ASH1L: variants seen among roughly 807,000 people sequenced by gnomAD.
The protein encoded by ASH1L is ASH1 like histone lysine methyltransferase.
Under a neutral mutation model 269.0 loss-of-function variants are expected in ASH1L, and 23 were observed. The observed-to-expected ratio is 0.09, with a 90% CI of 0.06 to 0.12. The LOEUF (loss-of-function observed/expected upper bound fraction) is 0.12. Among genes scored for constraint, ASH1L ranks in the 10% least tolerant of loss-of-function variants. The pLI, the probability that ASH1L is intolerant of heterozygous loss-of-function variation, is 1.00. For missense variants in ASH1L, 2,912 were observed against 3,567.8 expected (o/e 0.82, Z 4.68); for synonymous variants, 1,187 against 1,253.5 (o/e 0.95, Z 1.12).
intron 2 of ASH1L, among the ~76,000 whole-genome samples, chr1:155,509,103 T>G (rs1388626721): frequency 6.6e-6 from 1 of 152,132 alleles, no homozygotes; most frequent in Non-Finnish European, 1.5e-5. Context: ...GTTTATAAAT[T>G]AATAGGCAAA....
chr1:155,387,737 C>A (rs1657555728), intron 7 of ASH1L, among the ~76,000 whole-genome samples: 1 of 152,124 alleles, frequency 6.6e-6, no homozygotes, highest in South Asian at 2.1e-4. Context: ...GCAATATGGC[C>A]ATTTTAACGG....
intron 3 of ASH1L, among the ~76,000 whole-genome samples, chr1:155,469,601 C>A (rs537963265): frequency 3.9e-5 from 6 of 152,186 alleles, no homozygotes; most frequent in Non-Finnish European, 5.9e-5. Flanking sequence ...TCAGGTTTTA[C>A]CTCTCCTTTG....
rs544383215 is a variant in ASH1L at position 155,500,946 on chromosome 1, C to T, written c.421-18497G>A. ...TTGCACCACTGCACTCCAGCCTGGGCGACAGAATGAGACTCTGTCTCTAAA... is the reference window on the plus strand; with the variant it reads ...TTGCACCACTGCACTCCAGCCTGGGTGACAGAATGAGACTCTGTCTCTAAA... On this transcript the variant is annotated intron_variant, in intron 2 of 27. Coordinates refer to ENST00000392403, the MANE Select transcript of ASH1L (RefSeq NM_018489.3). 4.0e-5 allele frequency among the ~76,000 whole-genome samples: 6 copies of T among 151,232 alleles called. No individual in the cohort carries two copies. In the South Asian group the frequency reaches 6.3e-4, roughly 16 times the overall value.
At chr1:155,554,714 CA>C (rs573837526) in intron 1 of ASH1L, among the ~76,000 whole-genome samples, 3 of 150,112 alleles carry the variant, frequency 2.0e-5, no homozygotes, top group Non-Finnish European at 4.5e-5. Flanking sequence ...AAAACAAAAA[CA>C]AAAAAAAACA....
chr1:155,372,038 C>A (rs537609039), intron 10 of ASH1L, among the ~76,000 whole-genome samples: 4 of 152,210 alleles, frequency 2.6e-5, no homozygotes, highest in Admixed American at 2.6e-4. Context: ...GAGTCTCACT[C>A]CATTGCCCAG....
intron 7 of ASH1L, among the ~76,000 whole-genome samples, chr1:155,387,302 T>C (rs537337439): frequency 6.6e-6 from 1 of 152,166 alleles, no homozygotes; most frequent in Admixed American, 6.6e-5. Context: ...CCATATTTTG[T>C]TTTTGTATAT....
intron 5 of ASH1L, among the ~76,000 whole-genome samples, chr1:155,437,583 T>G (rs186608121): frequency 4.3e-4 from 65 of 152,282 alleles, no homozygotes; most frequent in Non-Finnish European, 8.7e-4. Context: ...TGTCACATGA[T>G]CCAGCAATTC....
chr1:155,406,838 T>G (rs1659333379), intron 6 of ASH1L, among the ~76,000 whole-genome samples: 1 of 152,148 alleles, frequency 6.6e-6, no homozygotes, highest in Admixed American at 6.6e-5. Context: ...ATATCTACAA[T>G]TTATATCACG....
intron 20 of ASH1L, among the ~76,000 whole-genome samples, chr1:155,347,430 CAAG>C (rs1653454708): frequency 6.6e-6 from 1 of 150,824 alleles, no homozygotes; most frequent in Admixed American, 6.6e-5. Flanking sequence ...AACAAAAAAA[CAAG>C]AAGAGAGGAG....
intron 3 of ASH1L, among the ~76,000 whole-genome samples, chr1:155,465,578 TATC>T (rs1218324760): frequency 2.6e-5 from 4 of 152,202 alleles, no homozygotes; most frequent in Non-Finnish European, 5.9e-5. Context: ...TCTAAGATAT[TATC>T]GATTTTAAAA....
At position 155,422,211 on chromosome 1, in the gene ASH1L, C is replaced by T. The variant is rs1246613527; in HGVS notation, c.5829-6288G>A. On this transcript the variant is annotated intron_variant, in intron 5 of 27. Transcript: ENST00000392403. ...GGAGTGCAGTGGCACGATCTCGGCT[C>T]GCTGCAACCCTACCTCCTGGGTTCA... 4.6e-5 allele frequency among the ~76,000 whole-genome samples: 7 copies of T among 152,070 alleles called. No homozygotes were observed. In the East Asian group the frequency reaches 9.6e-4, roughly 21 times the overall value.
chr1:155,464,447 T>C (rs1664526311), intron 3 of ASH1L, among the ~76,000 whole-genome samples: 1 of 151,996 alleles, frequency 6.6e-6, no homozygotes, highest in South Asian at 2.1e-4. Context: ...ACTCAGATGA[T>C]GACAACTTCA....
At chr1:155,420,064 T>C (rs1440288016) in intron 5 of ASH1L, among the ~76,000 whole-genome samples, 1 of 152,104 alleles carries the variant, frequency 6.6e-6, no homozygotes, top group African/African-American at 2.4e-5. Context: ...ACTCCTATAA[T>C]CCCAACACTG....
intron 7 of ASH1L, among the ~76,000 whole-genome samples, chr1:155,381,490 C>T (rs931501185): frequency 1.4e-5 from 2 of 146,116 alleles, no homozygotes; most frequent in Non-Finnish European, 3.0e-5. Context: ...GCAGAGGTTG[C>T]AGTGAGCCAA....
Position 155,521,551 on chromosome 1 carries a change from T to G in ASH1L, c.-32A>C, listed in dbSNP as rs773207071. The G allele has an allele frequency of 7.0e-6, 11 of 1,563,354 alleles. 1 individual carries two copies. In the South Asian group the frequency reaches 1.3e-4, roughly 19 times the overall value. ...CGTATGTTATTGCCAAGGAATCTTA[T>G]GAAAATTTTACAGAACTGTGTTCCA... On this transcript the variant is annotated 5_prime_UTR_variant, in exon 2 of 28. Coordinates refer to ENST00000392403, the MANE Select transcript of ASH1L (RefSeq NM_018489.3).
chr1:155,462,353 T>C (rs1664369729), intron 3 of ASH1L, among the ~76,000 whole-genome samples: 1 of 152,236 alleles, frequency 6.6e-6, no homozygotes, highest in Admixed American at 6.5e-5. Flanking sequence ...TAGTGTTTCC[T>C]GAATTTCTTG....
intron 1 of ASH1L, among the ~76,000 whole-genome samples, chr1:155,533,890 TA>T (rs1045506430): frequency 2.0e-5 from 3 of 152,126 alleles, no homozygotes; most frequent in African/African-American, 7.2e-5. Flanking sequence ...TCATCATTCT[TA>T]ATCTATTCCT....
upstream of ASH1L, chr1:155,562,919 C>G: frequency 2.2e-6 from 1 of 456,002 alleles, no homozygotes; most frequent in Non-Finnish European, 4.4e-6. Flanking sequence ...CACCCTCCAC[C>G]CCTCGCGCGT....
chr1:155,481,534 T>G lies in ASH1L; in HGVS notation c.1336A>C (p.Asn446His). Residue 446 changes from asparagine (N) to histidine (H), a missense_variant, in exon 3 of 28, where the codon AAT becomes CAT. Asn to His is a moderately conservative substitution (Grantham distance 68, BLOSUM62 1). Transcript: ENST00000392403. ...TCAGAAAGTTCCTGACTTTCCTGAT[T>G]ATTGATGTTTGTACTACAAGAAGCC... Reference protein sequence around the residue: ...LKASCSTNINNQESQELSESL... With the variant: ...LKASCSTNINHQESQELSESL... 6.2e-7 allele frequency: 1 copy of G among 1,614,176 alleles called. No individual in the cohort carries two copies. Among genetic ancestry groups the G allele is most frequent in the South Asian group, 1.1e-5 (1 of 91,082 alleles).
Sources: allele counts gnomAD v4.1 joint callset (sites outside exome capture counted in the v4.1 genomes callset), GRCh38; gene constraint gnomAD v4.1.1; transcripts MANE v1.5; gene names NCBI Gene and HGNC (gene_info 2026-07-23, HGNC 2026-07-21).